The following PDC variants were observed in gnomAD, a reference collection of about 807,000 sequenced individuals.
PDC encodes 33 kDa phototransducing protein.
Under a neutral mutation model 22.2 loss-of-function variants are expected in PDC, and 19 were observed. The observed-to-expected ratio is 0.86, with a 90% CI of 0.60 to 1.26. The LOEUF (loss-of-function observed/expected upper bound fraction) is 1.26, where lower values mean the gene tolerates loss of function less well. Among genes scored for constraint, PDC ranks in the 50% most tolerant of loss-of-function variants. PDC has a pLI of 0.00. For synonymous variants in PDC, 97 were observed against 96.2 expected (o/e 1.01, Z -0.05); for missense variants, 274 against 286.8 (o/e 0.96, Z 0.32).
chr1:186,456,133 A>G (rs558097854), intron 1 of PDC, among the ~76,000 whole-genome samples: 9 of 150,776 alleles, frequency 6.0e-5, no homozygotes, highest in African/African-American at 2.2e-4. Flanking sequence ...TTCTATACTA[A>G]CTGCAGTAAA....
intron 2 of PDC, among the ~76,000 whole-genome samples, chr1:186,447,953 G>T (rs758293106): frequency 5.9e-5 from 9 of 151,904 alleles, no homozygotes; most frequent in Non-Finnish European, 1.3e-4. Context: ...CTATATCTTG[G>T]AGATTTTTTC....
intron 2 of PDC, chr1:186,448,659 T>G (rs541234088): frequency 1.0e-6 from 1 of 952,932 alleles, no homozygotes; most frequent in Admixed American, 6.2e-5. Flanking sequence ...GTTGTTGTTT[T>G]TGTTTTTGTC....
chr1:186,453,336 G>C (rs1391546303), intron 1 of PDC, among the ~76,000 whole-genome samples: 1 of 152,044 alleles, frequency 6.6e-6, no homozygotes, highest in Non-Finnish European at 1.5e-5. Flanking sequence ...TTACGCATTA[G>C]TTTTAAAAGA....
At chr1:186,459,754 A>G (rs71516962) in intron 1 of PDC, among the ~76,000 whole-genome samples, 34 of 56,558 alleles carry the variant, frequency 6.0e-4, no homozygotes, top group Non-Finnish European at 8.3e-4. Flanking sequence ...GTGTGTGTGT[A>G]TATATATATA....
At chr1:186,446,734 C>A (rs184020949) in intron 2 of PDC, among the ~76,000 whole-genome samples, 157 bp from the exon 3 acceptor site, 4 of 152,252 alleles carry the variant, frequency 2.6e-5, no homozygotes, top group Admixed American at 2.6e-4. Context: ...GACTGCCCTG[C>A]TCATAAAAAT....
chr1:186,459,902 C>A (rs1662546762), intron 1 of PDC, among the ~76,000 whole-genome samples: 1 of 144,632 alleles, frequency 6.9e-6, no homozygotes, highest in East Asian at 2.0e-4. Context: ...ATAATAATAA[C>A]CTCCATGGAA....
At chr1:186,448,926 A>T (rs1356380727) in intron 2 of PDC, among the ~76,000 whole-genome samples, 1 of 152,138 alleles carries the variant, frequency 6.6e-6, no homozygotes, top group Non-Finnish European at 1.5e-5. Context: ...ACTCTGGATG[A>T]AATGAAGTGT....
chr1:186,443,984 C>T lies in PDC; in HGVS notation c.736G>A (p.Glu246Lys). The change falls in exon 4 of 4, where the codon GAA becomes AAA. Residue 246 changes from glutamate to lysine, a missense_variant. Glu to Lys is a moderately conservative substitution (Grantham distance 56). Coordinates refer to ENST00000391997, the MANE Select transcript of PDC (RefSeq NM_002597.5). ...GATATTGACATAGTGAATCTTCATT[C>T]AACATCTTCTTCTTCTATTTTGGTA... ...EHTKIEEEDVE is the reference protein window; with the variant it reads ...EHTKIEEEDVK 2 of 1,600,336 alleles carry T rather than the reference C, an allele frequency of 1.2e-6. No individual in the cohort carries two copies. Among genetic ancestry groups the T allele is most frequent in the Non-Finnish European group, 1.7e-6 (2 of 1,169,976 alleles).
chr1:186,453,353 TA>T (rs962106915), intron 1 of PDC, among the ~76,000 whole-genome samples: 17 of 152,236 alleles, frequency 1.1e-4, no homozygotes, highest in African/African-American at 4.1e-4. Flanking sequence ...AAGACTCTTT[TA>T]AAAAAACAAA....
intron 1 of PDC, among the ~76,000 whole-genome samples, chr1:186,458,821 C>T (rs1486473183): frequency 6.6e-6 from 1 of 152,166 alleles, no homozygotes; most frequent in African/African-American, 2.4e-5. Flanking sequence ...GGCATACGCC[C>T]CTCTGATCAT....
intron 1 of PDC, among the ~76,000 whole-genome samples, chr1:186,452,155 CTG>C (rs1662366432): frequency 6.6e-6 from 1 of 152,192 alleles, no homozygotes; most frequent in Admixed American, 6.5e-5. Context: ...TTAATTTATC[CTG>C]TCACCAACTC....
chr1:186,444,553 C>G, intron 3 of PDC, 47 bp from the exon 4 acceptor site: 1 of 1,287,864 alleles, frequency 7.8e-7, no homozygotes, highest in Non-Finnish European at 1.1e-6. Flanking sequence ...AAGTTTTATT[C>G]CTTAGATATA....
rs533014675 is a variant in PDC at position 186,446,712 on chromosome 1, C to T, written c.62-135G>A. ...ATCAGAAACAAACATCTTGTTTGGA[C>T]TAGAAATTTCTGACTGCCCTGCTCA... On this transcript the variant is annotated intron_variant, in intron 2 of 3. Transcript: ENST00000391997. 34 of 504,220 alleles carry T rather than the reference C, an allele frequency of 6.7e-5. No individual in the cohort carries two copies. The South Asian group carries it at 1.2e-3, about 18-fold the overall frequency. 31.2% of individuals were successfully genotyped at this position (504,220 alleles called of 1,614,324 possible). A position where few individuals can be genotyped will look rare whatever the true frequency, so the allele number is the denominator to read the frequency against.
At chr1:186,459,308 C>T (rs1196502002) in intron 1 of PDC, among the ~76,000 whole-genome samples, 1 of 151,144 alleles carries the variant, frequency 6.6e-6, no homozygotes, top group African/African-American at 2.4e-5. Flanking sequence ...CGAGTGCCTG[C>T]GATTGCAGGC....
intron 3 of PDC, 93 bp downstream of exon 3, chr1:186,446,333 A>T: frequency 2.1e-6 from 2 of 953,154 alleles, no homozygotes; most frequent in Admixed American, 5.5e-5. Context: ...TGTAATGAAT[A>T]TATTTTGTAA....
chr1:186,454,168 C>CTTTTT (rs397860509), intron 1 of PDC, among the ~76,000 whole-genome samples: 701 of 94,190 alleles, frequency 7.4e-3, no homozygotes, highest in East Asian at 0.01. Context: ...TCTTTTCTTT[C>CTTTTT]TTTTTTTTTT....
intron 3 of PDC, 31 bp from the exon 4 acceptor site, chr1:186,444,537 A>C (rs1278209558): frequency 9.6e-6 from 14 of 1,450,930 alleles, no homozygotes; most frequent in African/African-American, 1.4e-5. Flanking sequence ...GAAATTATTA[A>C]GTCAGAAGTT....
chr1:186,446,350 A>G, intron 3 of PDC, 76 bp downstream of exon 3: 1 of 1,175,260 alleles, frequency 8.5e-7, no homozygotes, highest in Admixed American at 2.3e-5. Flanking sequence ...GTAATAGTCT[A>G]AAGTGATTCT....
Position 186,449,412 on chromosome 1 carries a change from C to T in PDC, c.48G>A (p.Gln16=), listed in dbSNP as rs1303355204. The T allele has an allele frequency of 1.2e-6, 2 of 1,604,674 alleles. No individual in the cohort carries two copies. The highest frequency in any genetic ancestry group is 1.7e-4 in the Middle Eastern group (1 of 6,026). The change falls in exon 2 of 4, where the codon CAG becomes CAA. Residue 16 remains glutamine, a synonymous_variant. Transcript: ENST00000391997. ...AGCTTTGCTTGCCTGTATGTGTGGC[C>T]TGTCCTTCAAAGTCTTCCTCCAAAC... ...SQSLEEDFEG[Q]ATHTGPKGVI...
Sources: allele counts gnomAD v4.1 joint callset (sites outside exome capture counted in the v4.1 genomes callset), GRCh38; gene constraint gnomAD v4.1.1; transcripts MANE v1.5; gene names NCBI Gene and HGNC (gene_info 2026-07-23, HGNC 2026-07-21).